The following UQCRC2 variants were observed in gnomAD, a reference collection of about 807,000 sequenced individuals.
UQCRC2 encodes cytochrome b-c1 complex subunit 2, mitochondrial.
In UQCRC2, 49 loss-of-function variants were observed where a neutral mutation model predicts 55.6. That is an observed-to-expected ratio of 0.88 (90% confidence interval 0.70 to 1.12). UQCRC2 has a LOEUF of 1.12. Ranked by LOEUF, UQCRC2 falls within the 50% of genes most tolerant of loss-of-function variation. The pLI, the probability that UQCRC2 is intolerant of heterozygous loss-of-function variation, is 0.00. For synonymous variants in UQCRC2, 193 were observed against 192.0 expected, an observed-to-expected ratio of 1.01 and a Z score of -0.04; for missense variants, 506 against 547.8, an observed-to-expected ratio of 0.92 and a Z score of 0.76.
chr16:21,969,749 A>G (rs1023890935), intron 8 of UQCRC2, among the ~76,000 whole-genome samples: 9 of 152,158 alleles, frequency 5.9e-5, no homozygotes, highest in East Asian at 1.9e-4. Flanking sequence ...AACAGATTCA[A>G]CTATTACCAC....
At chr16:21,967,153 G>A (rs997224833) in intron 7 of UQCRC2, among the ~76,000 whole-genome samples, 1 of 152,112 alleles carries the variant, frequency 6.6e-6, no homozygotes, top group Non-Finnish European at 1.5e-5. Context: ...ATTGGCGCTA[G>A]AATACTTGGA....
chr16:21,971,657 A>G (rs1355732632), intron 9 of UQCRC2, 37 bp downstream of exon 9: 2 of 1,596,840 alleles, frequency 1.3e-6, no homozygotes, highest in Non-Finnish European at 1.7e-6. Flanking sequence ...ATTTATCAGA[A>G]GGGCGTTTCC....
chr16:21,961,670 T>TATATATATA (rs1567470647), intron 4 of UQCRC2, among the ~76,000 whole-genome samples: 26 of 48,720 alleles, frequency 5.3e-4, no homozygotes, highest in Non-Finnish European at 1.5e-3. Context: ...ATATATATAT[T>TATATATATA]TTAGACAGTC....
Position 21,980,616 on chromosome 16 carries a change from C to G in UQCRC2, c.1194C>G (p.Ser398=). 1 of 1,614,156 alleles carries G rather than the reference C, an allele frequency of 6.2e-7. No individual in the cohort carries two copies. The highest frequency in any genetic ancestry group is 8.5e-7 in the Non-Finnish European group (1 of 1,180,028). Residue 398 remains serine (S), a synonymous_variant, in exon 13 of 14, where the codon TCC becomes TCG. Transcript: ENST00000268379. The part of the protein sequence containing the change: ...SSECFLEEVG[S]QALVAGSYMP... ...AGTGTTTCCTGGAAGAAGTCGGGTC[C>G]CAGGCTCTAGTTGCTGGTTCTTACA... is the stretch of plus-strand genomic sequence containing the variant.
At chr16:21,978,286 T>C (rs1367752550) in intron 12 of UQCRC2, among the ~76,000 whole-genome samples, 1 of 152,198 alleles carries the variant, frequency 6.6e-6, no homozygotes, top group South Asian at 2.1e-4. Flanking sequence ...GACAACGTGG[T>C]AAAACTGCAG....
intron 1 of UQCRC2, among the ~76,000 whole-genome samples, chr16:21,954,092 A>G (rs1299712282): frequency 1.3e-5 from 2 of 152,146 alleles, no homozygotes; most frequent in African/African-American, 4.8e-5. Flanking sequence ...AAACTCACAC[A>G]TCAGGGTTAT....
chr16:21,979,950 T>TGCAGTA lies in UQCRC2; in HGVS notation c.1125-597_1125-596insGCAGTA, dbSNP rs1473601188. The stretch of plus-strand genomic sequence containing the variant: ...TAGTGATATGCAGTACATGAGATAA[T>TGCAGTA]CAATGCTTCCTTACAAAATGGGCTT... On this transcript the variant is annotated intron_variant, in intron 12 of 13. Coordinates refer to ENST00000268379, the MANE Select transcript of UQCRC2 (RefSeq NM_003366.4). Among the ~76,000 whole-genome samples, 17 of 152,316 alleles carry TGCAGTA rather than the reference T, an allele frequency of 1.1e-4. 1 individual carries two copies. Among genetic ancestry groups the TGCAGTA allele is most frequent in the South Asian group, 8.3e-4 (4 of 4,828 alleles).
Position 21,973,997 on chromosome 16 carries a change from A to T in UQCRC2, c.1047+21A>T, listed in dbSNP as rs183277308. ...GAGATGTAAGTTGCAAACTCACCAA[A>T]CTTCTTTCATGAACAAGTTATTTCT... On this transcript the variant is annotated intron_variant, in intron 11 of 13. Transcript: ENST00000268379. The T allele has an allele frequency of 3.2e-5, 51 of 1,589,672 alleles. 1 individual carries two copies. The East Asian group carries it at 1.1e-3, about 35-fold the overall frequency.
At chr16:21,968,773 A>C in intron 8 of UQCRC2, 88 bp downstream of exon 8, 1 of 1,247,710 alleles carries the variant, frequency 8.0e-7, no homozygotes, top group Non-Finnish European at 1.1e-6. Context: ...GATTGAACAA[A>C]ATTTGAAAAC....
chr16:21,978,533 CATACCCT>C (rs1396191360), intron 12 of UQCRC2, among the ~76,000 whole-genome samples: 6 of 152,182 alleles, frequency 3.9e-5, no homozygotes, highest in Non-Finnish European at 5.9e-5. Context: ...CCTTTTCCAT[CATACCCT>C]ATGCTCACAG....
In UQCRC2 at chr16:21,980,367, T is replaced by G. The variant is rs150849476; in HGVS notation, c.1125-180T>G. On this transcript the variant is annotated intron_variant, in intron 12 of 13. Coordinates refer to ENST00000268379, the MANE Select transcript of UQCRC2 (RefSeq NM_003366.4). ...AGAGACTTCTTCCCTTCAGACTTAC[T>G]GTTTTAGTATGTTCCAGAGAAGGGA... is the stretch of plus-strand genomic sequence containing the variant. The G allele has an allele frequency of 4.9e-3, 3,237 of 659,912 alleles. 13 individuals are homozygous for G. Among genetic ancestry groups the G allele is most frequent in the Non-Finnish European group, 7.0e-3 (2,836 of 402,810 alleles). 40.9% of individuals were successfully genotyped at this position (659,912 alleles called of 1,614,324 possible).
chr16:21,981,404 C>T (rs1016175643), intron 13 of UQCRC2, among the ~76,000 whole-genome samples: 8 of 152,058 alleles, frequency 5.3e-5, no homozygotes, highest in Non-Finnish European at 8.8e-5. Flanking sequence ...GTAGATGTCT[C>T]GGCCATCTTC....
At chr16:21,976,710 TAA>T (rs1898594196) in intron 12 of UQCRC2, 1 of 152,782 alleles carries the variant, frequency 6.5e-6, no homozygotes, top group African/African-American at 2.4e-5. Flanking sequence ...CAAACAAACA[TAA>T]GTCAAACCAT....
In UQCRC2 at chr16:21,971,467, T is replaced by G. The variant is rs540986913; in HGVS notation, c.671-58T>G. Reference sequence around the variant, plus strand: ...ATTTTTAAAACAAGGAAAAAATATTTTACGATTGTGTTTTAGTAATTGTGG... The same window carrying G: ...ATTTTTAAAACAAGGAAAAAATATTGTACGATTGTGTTTTAGTAATTGTGG... On this transcript the variant is annotated intron_variant, in intron 8 of 13. Coordinates refer to ENST00000268379, the MANE Select transcript of UQCRC2 (RefSeq NM_003366.4). The G allele has an allele frequency of 1.6e-4, 225 of 1,378,614 alleles. No individual in the cohort carries two copies. The South Asian group carries it at 2.6e-3, about 16-fold the overall frequency. The allele number at this position is 1,378,614 out of a possible 1,614,324, so 85.4% of individuals were successfully genotyped here. A position where few individuals can be genotyped will look rare whatever the true frequency, so the allele number is the denominator to read the frequency against.
chr16:21,959,952 C>G (rs989859724), intron 4 of UQCRC2, among the ~76,000 whole-genome samples: 2 of 152,194 alleles, frequency 1.3e-5, no homozygotes, highest in African/African-American at 4.8e-5. Flanking sequence ...GATGTACTAT[C>G]ATCCAGGCTT....
intron 10 of UQCRC2, 146 bp downstream of exon 10, chr16:21,972,268 A>G (rs2141941917): frequency 9.4e-7 from 1 of 1,059,396 alleles, no homozygotes; most frequent in South Asian, 1.6e-5. Flanking sequence ...TGATTTTAGT[A>G]TCTTTGAAGG....
At chr16:21,980,791 G>C in intron 13 of UQCRC2, 91 bp downstream of exon 13, 1 of 1,467,170 alleles carries the variant, frequency 6.8e-7, no homozygotes, top group Non-Finnish European at 9.2e-7. Context: ...CTTGGGCAGT[G>C]TATTATTCTT....
At chr16:21,966,072 G>T (rs1292945679) in intron 7 of UQCRC2, among the ~76,000 whole-genome samples, 1 of 151,916 alleles carries the variant, frequency 6.6e-6, no homozygotes, top group African/African-American at 2.4e-5. Context: ...TCAGCACTTT[G>T]GGAGGCCAAG....
At chr16:21,968,043 C>T (rs540240243) in intron 7 of UQCRC2, among the ~76,000 whole-genome samples, 1 of 149,684 alleles carries the variant, frequency 6.7e-6, no homozygotes, top group Admixed American at 6.7e-5. Flanking sequence ...GCTGTGTCGC[C>T]CAGGCCAGAG....
Sources: gnomAD v4.1 joint callset for allele counts (sites outside exome capture counted in the v4.1 genomes callset) on GRCh38, gnomAD v4.1.1 for gene constraint, MANE v1.5 for transcripts, NCBI Gene and HGNC (gene_info 2026-07-23, HGNC 2026-07-21) for gene names.